The following MAPK10 variants were observed in gnomAD, a reference collection of about 807,000 sequenced individuals.
MAPK10 encodes the protein JNK3 alpha protein kinase.
MAPK10 carries 25 observed loss-of-function variants against 59.3 expected under a neutral mutation model. That is an observed-to-expected ratio of 0.42 (90% CI 0.31 to 0.59). The LOEUF is 0.59. Among genes scored for constraint, MAPK10 ranks in the 20% least tolerant of loss-of-function variants. The pLI, the probability that MAPK10 is intolerant of heterozygous loss-of-function variation, is 0.15. For missense variants in MAPK10, 351 were observed against 568.9 expected (o/e 0.62, Z 3.90); for synonymous variants, 190 against 200.5 (o/e 0.95, Z 0.44).
chr4:86,136,227 T>A (rs1254486915), intron 4 of MAPK10, among the ~76,000 whole-genome samples: 1 of 151,804 alleles, frequency 6.6e-6, no homozygotes, highest in Non-Finnish European at 1.5e-5. Context: ...CCAAAACACA[T>A]AATTGTCAGA....
intron 2 of MAPK10, among the ~76,000 whole-genome samples, chr4:86,248,392 G>T (rs1410179103): frequency 6.6e-6 from 1 of 152,098 alleles, no homozygotes; most frequent in Non-Finnish European, 1.5e-5. Context: ...AACTTATCAA[G>T]ATAACTCAGT....
chr4:86,038,621 T>C (rs1361517059), intron 11 of MAPK10, among the ~76,000 whole-genome samples: 1 of 152,166 alleles, frequency 6.6e-6, no homozygotes, highest in African/African-American at 2.4e-5. Context: ...AAAATAAAAA[T>C]TTTGGTAAAA....
At chr4:86,111,054 G>C (rs2057400360) in intron 4 of MAPK10, among the ~76,000 whole-genome samples, 1 of 152,122 alleles carries the variant, frequency 6.6e-6, no homozygotes, top group Admixed American at 6.6e-5. Flanking sequence ...AGAAATGCAT[G>C]TGACTTTTTC....
chr4:86,337,245 C>T (rs1052999408), intron 2 of MAPK10, among the ~76,000 whole-genome samples: 1 of 152,086 alleles, frequency 6.6e-6, no homozygotes, highest in African/African-American at 2.4e-5. Flanking sequence ...TTCAGATTAC[C>T]TTTACCTCTA....
chr4:86,475,629 A>G (rs991630864), intron 1 of MAPK10, among the ~76,000 whole-genome samples: 3 of 152,090 alleles, frequency 2.0e-5, no homozygotes, highest in African/African-American at 7.2e-5. Flanking sequence ...CCCACATTTC[A>G]GAGGTGTCTG....
At chr4:86,151,114 C>T (rs1209756385) in intron 4 of MAPK10, among the ~76,000 whole-genome samples, 1 of 152,108 alleles carries the variant, frequency 6.6e-6, no homozygotes, top group Non-Finnish European at 1.5e-5. Context: ...GAGATGGAAT[C>T]AAGAACACAG....
intron 1 of MAPK10, among the ~76,000 whole-genome samples, chr4:86,382,442 C>T (rs1740877936): frequency 1.3e-5 from 2 of 152,116 alleles, no homozygotes; most frequent in South Asian, 4.1e-4. Flanking sequence ...TCCCTCAGAC[C>T]TTATCACAGT....
intron 1 of MAPK10, among the ~76,000 whole-genome samples, chr4:86,422,125 A>AT (rs890034696): frequency 6.7e-4 from 101 of 151,824 alleles, no homozygotes; most frequent in Non-Finnish European, 5.2e-4. Flanking sequence ...TCAGTTAACT[A>AT]TTTTTTTTAC....
intron 1 of MAPK10, among the ~76,000 whole-genome samples, chr4:86,397,634 C>G (rs1445508458): frequency 3.3e-5 from 5 of 152,220 alleles, no homozygotes; most frequent in African/African-American, 1.2e-4. Context: ...TCTTTCCCCA[C>G]TGATTGACTC....
intron 4 of MAPK10, among the ~76,000 whole-genome samples, chr4:86,141,021 C>T (rs1314958356): frequency 6.6e-6 from 1 of 152,170 alleles, no homozygotes; most frequent in African/African-American, 2.4e-5. Context: ...GACCATTAAT[C>T]ATTGAACCAA....
At chr4:86,162,386 C>T (rs894706414) in intron 3 of MAPK10, among the ~76,000 whole-genome samples, 2 of 151,820 alleles carry the variant, frequency 1.3e-5, no homozygotes, top group Non-Finnish European at 2.9e-5. Context: ...GATTATCTAA[C>T]TATTTTGAGA....
At chr4:86,277,838 A>T (rs1414672699) in intron 2 of MAPK10, among the ~76,000 whole-genome samples, 1 of 152,208 alleles carries the variant, frequency 6.6e-6, no homozygotes, top group African/African-American at 2.4e-5. Context: ...TTTACCAAAC[A>T]TTAACAATCT....
intron 2 of MAPK10, among the ~76,000 whole-genome samples, chr4:86,198,515 T>C (rs1418972086): frequency 1.3e-5 from 2 of 152,104 alleles, no homozygotes; most frequent in Non-Finnish European, 1.5e-5. Flanking sequence ...GGCTAATTTA[T>C]GAACTTGCAA....
chr4:86,396,029 C>G (rs941880425), intron 1 of MAPK10, among the ~76,000 whole-genome samples: 2 of 152,204 alleles, frequency 1.3e-5, no homozygotes, highest in African/African-American at 4.8e-5. Flanking sequence ...CAGGCAGGAG[C>G]CTTTTTTACG....
intron 2 of MAPK10, among the ~76,000 whole-genome samples, chr4:86,234,553 T>C (rs1016102118): frequency 2.6e-5 from 4 of 152,086 alleles, no homozygotes; most frequent in African/African-American, 9.6e-5. Context: ...ATAAATACTA[T>C]ATTAAAATAA....
At chr4:86,077,386 C>A (rs1159801515) in intron 9 of MAPK10, among the ~76,000 whole-genome samples, 2 of 152,080 alleles carry the variant, frequency 1.3e-5, no homozygotes, top group Non-Finnish European at 2.9e-5. Flanking sequence ...ATGAAAAGGG[C>A]AATTTTTGGG....
intron 2 of MAPK10, among the ~76,000 whole-genome samples, chr4:86,301,412 A>G (rs2095470920): frequency 6.6e-6 from 1 of 151,392 alleles, no homozygotes; most frequent in African/African-American, 2.4e-5. Context: ...TCCACTAGCT[A>G]GAAAAAAAAA....
intron 4 of MAPK10, among the ~76,000 whole-genome samples, chr4:86,146,533 A>AT (rs2065046949): frequency 6.6e-6 from 1 of 152,140 alleles, no homozygotes; most frequent in Admixed American, 6.5e-5. Context: ...GGTTATAGCC[A>AT]TTTAACAGAG....
At position 86,581,539 on chromosome 4, in the gene MAPK10, T is replaced by G. The variant is rs1339423485; in HGVS notation, c.-263+12371A>C. ...CAAGCACAAAAATAACAAAGAAAAATGGTAAGCATGTTGTCAAAATGCAAT... is the reference window on the plus strand; with the variant it reads ...CAAGCACAAAAATAACAAAGAAAAAGGGTAAGCATGTTGTCAAAATGCAAT... On this transcript the variant is annotated intron_variant, in intron 1 of 4. Coordinates refer to the MAPK10 transcript ENST00000502302. 4.6e-5 allele frequency among the ~76,000 whole-genome samples: 7 copies of G among 151,908 alleles called. No homozygotes were observed. The East Asian group carries it at 1.4e-3, about 29-fold the overall frequency.
Sources: allele counts gnomAD v4.1 joint callset (sites outside exome capture counted in the v4.1 genomes callset), GRCh38; gene constraint gnomAD v4.1.1; transcripts MANE v1.5; gene names NCBI Gene and HGNC (gene_info 2026-07-23, HGNC 2026-07-21).